The following PLS1 variants were observed in gnomAD, a reference collection of about 807,000 sequenced individuals.
The protein encoded by PLS1 is plastin 1.
In PLS1, 32 loss-of-function variants were observed where a neutral mutation model predicts 73.7. That is an observed-to-expected ratio of 0.43 (90% CI 0.33 to 0.58). PLS1 has a LOEUF of 0.58. Ranked by LOEUF, PLS1 falls within the 20% of genes least tolerant of loss-of-function variation. The pLI, the probability that PLS1 is intolerant of heterozygous loss-of-function variation, is 0.04. For synonymous variants in PLS1, 217 were observed against 261.3 expected, an observed-to-expected ratio of 0.83 and a Z score of 1.63; for missense variants, 633 against 740.5, an observed-to-expected ratio of 0.85 and a Z score of 1.68.
chr3:142,670,772 G>A (rs1010252130), intron 3 of PLS1, among the ~76,000 whole-genome samples: 1 of 152,176 alleles, frequency 6.6e-6, no homozygotes, highest in Non-Finnish European at 1.5e-5. Flanking sequence ...TTCAATTTAA[G>A]CTTAGTTATA....
intron 1 of PLS1, among the ~76,000 whole-genome samples, chr3:142,632,604 T>TC (rs2036588949): frequency 6.6e-6 from 1 of 151,338 alleles, no homozygotes; most frequent in Non-Finnish European, 1.5e-5. Flanking sequence ...AGGATTTTTT[T>TC]TTTTTTTCCC....
At chr3:142,607,816 A>T (rs1248729362) in intron 1 of PLS1, among the ~76,000 whole-genome samples, 3 of 151,144 alleles carry the variant, frequency 2.0e-5, no homozygotes, top group African/African-American at 7.3e-5. Flanking sequence ...GATGATCTTG[A>T]GAGTTTTGAG....
chr3:142,626,399 A>G (rs1364556016), intron 1 of PLS1, among the ~76,000 whole-genome samples: 1 of 152,178 alleles, frequency 6.6e-6, no homozygotes, highest in Non-Finnish European at 1.5e-5. Context: ...CTTTTTGTAC[A>G]TTATCATTTC....
intron 1 of PLS1, among the ~76,000 whole-genome samples, chr3:142,658,141 T>A (rs2037282363): frequency 6.6e-6 from 1 of 152,174 alleles, no homozygotes; most frequent in Non-Finnish European, 1.5e-5. Flanking sequence ...GAGCAGACAT[T>A]AGCATTTTGC....
At chr3:142,658,967 C>T (rs939344442) in intron 1 of PLS1, among the ~76,000 whole-genome samples, 2 of 152,168 alleles carry the variant, frequency 1.3e-5, no homozygotes, top group Non-Finnish European at 2.9e-5. Flanking sequence ...GCTTTTGAAT[C>T]TCTTATTTTG....
intron 2 of PLS1, 29 bp downstream of exon 2, chr3:142,664,336 T>C: frequency 8.6e-7 from 1 of 1,165,388 alleles, no homozygotes; most frequent in Non-Finnish European, 1.3e-6. Context: ...AAATATGATA[T>C]TACTGGTCTG....
intron 12 of PLS1, among the ~76,000 whole-genome samples, chr3:142,702,652 A>G (rs543863173): frequency 6.6e-6 from 1 of 152,338 alleles, no homozygotes; most frequent in South Asian, 2.1e-4. Flanking sequence ...GATACATAAG[A>G]ATTTATAAGT....
chr3:142,689,660 G>A lies in PLS1; in HGVS notation c.1024G>A (p.Ala342Thr), dbSNP rs189552122. The A allele has an allele frequency of 5.5e-4, 884 of 1,610,466 alleles. 16 individuals are homozygous for A. In the Admixed American group the frequency reaches 0.014, roughly 26 times the overall value. The change falls in exon 10 of 16, where the codon GCA (alanine) becomes ACA (threonine). Residue 342 changes from alanine (A) to threonine (T), a missense_variant. By Grantham distance (58) the Ala-to-Thr change is moderately conservative (BLOSUM62 0). Coordinates refer to ENST00000457734, the MANE Select transcript of PLS1 (RefSeq NM_001145319.2). ...GCGTGCTGGACTCATGCTTCAAGAA[G>A]CAGATAAACTGGGCTGCAAACAGTT... The part of the protein sequence containing the change: ...LKRAGLMLQE[A>T]DKLGCKQFVT...
intron 1 of PLS1, among the ~76,000 whole-genome samples, chr3:142,600,916 A>ATATTT (rs1560024585): frequency 2.7e-4 from 4 of 14,838 alleles, no homozygotes; most frequent in African/African-American, 2.8e-4. Flanking sequence ...ATATATATAT[A>ATATTT]TTTTTTTTTT....
chr3:142,672,339 CTTTTT>C lies in PLS1; in HGVS notation c.364+1234_364+1238del, dbSNP rs58039666. 2.5e-5 allele frequency among the ~76,000 whole-genome samples: 3 copies of C among 118,398 alleles called. No homozygotes were observed. The South Asian group carries it at 8.0e-4, about 31-fold the overall frequency. The allele number at this position is 118,398 out of a possible 152,430, so 77.7% of individuals were successfully genotyped here. On this transcript the variant is annotated intron_variant, in intron 4 of 15. Coordinates refer to ENST00000457734, the MANE Select transcript of PLS1 (RefSeq NM_001145319.2). ...CTTGTAGTAAAGTGCATGAAGTGTA[CTTTTT>C]TTTTTTTTTTTTTTTTGAGATGGCG...
intron 14 of PLS1, among the ~76,000 whole-genome samples, chr3:142,707,552 T>C (rs573716004): frequency 2.0e-5 from 3 of 152,340 alleles, no homozygotes; most frequent in Non-Finnish European, 4.4e-5. Flanking sequence ...GCAGAACAGC[T>C]GGGTTTCATA....
intron 3 of PLS1, among the ~76,000 whole-genome samples, chr3:142,670,692 T>C (rs1231771247): frequency 6.6e-6 from 1 of 152,220 alleles, no homozygotes; most frequent in Non-Finnish European, 1.5e-5. Context: ...ATCTTTAGCA[T>C]GTAGTTAGTT....
intron 1 of PLS1, among the ~76,000 whole-genome samples, chr3:142,616,505 C>A (rs904739579): frequency 2.0e-5 from 3 of 152,118 alleles, no homozygotes; most frequent in Non-Finnish European, 4.4e-5. Context: ...AACAACAGGC[C>A]ATTTGACTGT....
intron 1 of PLS1, chr3:142,597,129 T>C (rs2035828838): frequency 6.6e-6 from 1 of 152,240 alleles, no homozygotes; most frequent in South Asian, 2.1e-4. Flanking sequence ...TTTGGTACTA[T>C]TAAAAGGAAG....
intron 1 of PLS1, among the ~76,000 whole-genome samples, chr3:142,600,385 G>A (rs769998339): frequency 5.3e-5 from 8 of 152,160 alleles, no homozygotes; most frequent in Admixed American, 4.6e-4. Flanking sequence ...ACTACCAGGA[G>A]GTGGTGAGCA....
At chr3:142,637,558 A>G (rs2036721273) in intron 1 of PLS1, among the ~76,000 whole-genome samples, 2 of 152,230 alleles carry the variant, frequency 1.3e-5, no homozygotes, top group South Asian at 4.1e-4. Flanking sequence ...ATTAAAAATC[A>G]ATTTATAGTT....
rs1933196134 is a variant in PLS1, at chr3:142,712,784, T to C, written c.*777T>C. On this transcript the variant is annotated 3_prime_UTR_variant, in exon 16 of 16. Transcript: ENST00000457734. ...GCTTTTCATAAGTGGTATGTTTAAT[T>C]GGTCATTCAGCCAACCATCAGTATT... 1 of 152,544 alleles carries C rather than the reference T, an allele frequency of 6.6e-6. No homozygotes were observed. Among genetic ancestry groups the C allele is most frequent in the South Asian group, 2.1e-4 (1 of 4,830 alleles). 9.4% of individuals were successfully genotyped at this position (152,544 alleles called of 1,614,324 possible).
chr3:142,689,017 T>C (rs554525412), intron 9 of PLS1, among the ~76,000 whole-genome samples: 2 of 152,304 alleles, frequency 1.3e-5, no homozygotes, highest in African/African-American at 4.8e-5. Context: ...TTATCTATAG[T>C]GCAACCAGTA....
intron 1 of PLS1, among the ~76,000 whole-genome samples, chr3:142,637,190 G>T (rs1386836186): frequency 1.3e-5 from 2 of 151,982 alleles, no homozygotes; most frequent in Admixed American, 1.3e-4. Context: ...CCATTCAAAA[G>T]AACACTACTC....
Sources: allele counts gnomAD v4.1 joint callset (sites outside exome capture counted in the v4.1 genomes callset), GRCh38; gene constraint gnomAD v4.1.1; transcripts MANE v1.5; gene names NCBI Gene and HGNC (gene_info 2026-07-23, HGNC 2026-07-21).